The following GNAS variants were observed in gnomAD, a reference collection of about 807,000 sequenced individuals.
The protein encoded by GNAS is GNAS complex locus.
A neutral mutation model predicts 54.5 loss-of-function variants in GNAS; 8 were observed. That is an observed-to-expected ratio of 0.15 (90% CI 0.09 to 0.26). The LOEUF (loss-of-function observed/expected upper bound fraction) is 0.26. Among genes scored for constraint, GNAS ranks in the 10% least tolerant of loss-of-function variants. GNAS has a pLI of 1.00. For synonymous variants in GNAS, 204 were observed against 191.4 expected, an observed-to-expected ratio of 1.07 and a Z score of -0.54; for missense variants, 170 against 529.8, an observed-to-expected ratio of 0.32 and a Z score of 6.67.
intron 1 of GNAS, among the ~76,000 whole-genome samples, chr20:58,875,693 C>CA (rs1555879049): frequency 2.0e-5 from 3 of 152,214 alleles, no homozygotes; most frequent in Admixed American, 1.3e-4. Context: ...GTGCCCCCCC[C>CA]ACCCCATTCA....
chr20:58,910,530 G>A lies in GNAS; in HGVS notation c.1038+129G>A. The A allele has an allele frequency of 8.7e-7, 1 of 1,145,966 alleles. No homozygotes were observed. The highest frequency in any genetic ancestry group is 1.3e-6 in the Non-Finnish European group (1 of 764,782). The allele number at this position is 1,145,966 out of a possible 1,614,324, so 71.0% of individuals were successfully genotyped here. ...TGGTTTTAGTTCACGCACATCCAGT[G>A]TGGATTTGAGCTCTTTGCGCCCCTC... On this transcript the variant is annotated intron_variant, in intron 12 of 12. Coordinates refer to ENST00000371085, the MANE Select transcript of GNAS (RefSeq NM_000516.7). This position sits in a 1 kb window ranked among gnomAD's most constrained non-coding sequence, Gnocchi z 5.8.
At chr20:58,904,483 T>C (rs1225875464) in intron 5 of GNAS, among the ~76,000 whole-genome samples, 1 of 152,206 alleles carries the variant, frequency 6.6e-6, no homozygotes, top group African/African-American at 2.4e-5. Context: ...AACAAAAAAC[T>C]GTTCAAGCCC....
rs965640652 is a variant in GNAS at position 58,857,192 on chromosome 20, A to G, written c.43+16306A>G. The stretch of plus-strand genomic sequence containing the variant: ...GTGATGGTTTTTTATTAATGGCATT[A>G]TTGGCATATAACTGTGCTATTGTGA... On this transcript the variant is annotated intron_variant, in intron 1 of 12. Transcript: ENST00000306090. The surrounding 1 kb of genome is among the most constrained non-coding windows in gnomAD (Gnocchi z 4.1). The G allele has an allele frequency of 2.6e-5, 4 of 152,204 alleles. No homozygotes were observed. 9.4% of individuals were successfully genotyped at this position (152,204 alleles called of 1,614,324 possible).
chr20:58,907,595 T>G (rs2146243848), intron 6 of GNAS, among the ~76,000 whole-genome samples: 1 of 152,356 alleles, frequency 6.6e-6, no homozygotes, highest in Middle Eastern at 3.4e-3. Context: ...TTGAATTTTG[T>G]CGGGTTTCGT....
chr20:58,842,298 G>A (rs1333649895), intron 1 of GNAS: 4 of 397,672 alleles, frequency 1.0e-5, no homozygotes, highest in African/African-American at 4.1e-5. Flanking sequence ...CCTGGTGTGC[G>A]TGTCTCATTT....
chr20:58,868,075 A>T (rs11697466), intron 1 of GNAS, among the ~76,000 whole-genome samples: 19,923 of 147,022 alleles, frequency 0.14, 1,411 homozygotes, highest in African/African-American at 0.18. Flanking sequence ...GGCTGGAGTG[A>T]AGTGGCATGA....
Position 58,841,252 on chromosome 20 carries a change from C to A in GNAS, c.43+366C>A. 1 of 970,292 alleles carries A rather than the reference C, an allele frequency of 1.0e-6. No individual in the cohort carries two copies. The highest frequency in any genetic ancestry group is 1.3e-6 in the Non-Finnish European group (1 of 777,598). The allele number at this position is 970,292 out of a possible 1,614,324, so 60.1% of individuals were successfully genotyped here. A position where few individuals can be genotyped will look rare whatever the true frequency, so the allele number is the denominator to read the frequency against. ...TCACTTGTTTTGCGCGCTTTTCTTCCTCCTAGAAAGACTAGTCTCAAATAA... is the reference window on the plus strand; with the variant it reads ...TCACTTGTTTTGCGCGCTTTTCTTCATCCTAGAAAGACTAGTCTCAAATAA... On this transcript the variant is annotated intron_variant, in intron 1 of 12. Coordinates refer to the GNAS transcript ENST00000306090. The surrounding 1 kb of genome is among the most constrained non-coding windows in gnomAD (Gnocchi z 5.0).
rs539861616 is a variant in GNAS at position 58,865,410 on chromosome 20, C to T, written c.43+24524C>T. Among the ~76,000 whole-genome samples the T allele has an allele frequency of 1.4e-3, 213 of 148,468 alleles. 2 individuals carry two copies. Among genetic ancestry groups the T allele is most frequent in the African/African-American group, 5.1e-3 (206 of 40,434 alleles). On this transcript the variant is annotated intron_variant, in intron 1 of 12. Transcript: ENST00000306090. Reference sequence around the variant, plus strand: ...TCCAGCCTGGGCAACAAGAGCAAAACTCCATCTCAAAAAATATATATATAC... The same window carrying T: ...TCCAGCCTGGGCAACAAGAGCAAAATTCCATCTCAAAAAATATATATATAC...
chr20:58,893,375 T>C (rs2089713573), intron 1 of GNAS, among the ~76,000 whole-genome samples: 1 of 152,206 alleles, frequency 6.6e-6, no homozygotes, highest in African/African-American at 2.4e-5. Context: ...ACAGCATTAA[T>C]TAAAAATGGA....
In GNAS at chr20:58,853,120, C is replaced by T. The variant is rs2086249799; in HGVS notation, c.43+12234C>T. ...CCTTCCAGGCCTTGAACCCCCCAAC[C>T]TCACAAGGGTTGGAAAGTGAGGCCG... On this transcript the variant is annotated intron_variant, in intron 1 of 12. Transcript: ENST00000306090. This position sits in a 1 kb window ranked among gnomAD's most constrained non-coding sequence, Gnocchi z 4.4. 6 of 1,428,308 alleles carry T rather than the reference C, an allele frequency of 4.2e-6. No homozygotes were observed. The highest frequency in any genetic ancestry group is 4.6e-6 in the Non-Finnish European group (5 of 1,097,012). The allele number at this position is 1,428,308 out of a possible 1,614,324, so 88.5% of individuals were successfully genotyped here.
rs2146179255 is a variant in GNAS at position 58,903,593 on chromosome 20, C to T, written c.312+8C>T. ...CTGAAAGAGGCGATTGAAGTACGTG[C>T]TGGCTCCTTGTGCTGTCTGTCTTGT... On this transcript the variant is annotated splice_region_variant and intron_variant, in intron 4 of 12. Transcript: ENST00000371085. The T allele has an allele frequency of 6.2e-7, 1 of 1,614,036 alleles. No individual in the cohort carries two copies. The highest frequency in any genetic ancestry group is 8.5e-7 in the Non-Finnish European group (1 of 1,179,884).
intron 1 of GNAS, among the ~76,000 whole-genome samples, chr20:58,847,740 T>C (rs1041562633): frequency 6.6e-6 from 1 of 152,188 alleles, no homozygotes; most frequent in Admixed American, 6.5e-5. Flanking sequence ...TCTGTTCCCT[T>C]CCCTTTCACC....
chr20:58,865,573 A>C (rs955311593), intron 1 of GNAS, among the ~76,000 whole-genome samples: 1 of 148,884 alleles, frequency 6.7e-6, no homozygotes, highest in African/African-American at 2.5e-5. Flanking sequence ...AAGTTTGTCC[A>C]CTGCAGTTAC....
At chr20:58,867,998 G>A (rs1388544697) in intron 1 of GNAS, among the ~76,000 whole-genome samples, 1 of 151,448 alleles carries the variant, frequency 6.6e-6, no homozygotes, top group Non-Finnish European at 1.5e-5. Flanking sequence ...GCAGATAGTG[G>A]ACACCTCTCC....
At chr20:58,888,979 C>G (rs967078634), upstream of GNAS, 1 of 773,924 alleles carries the variant, frequency 1.3e-6, no homozygotes, top group African/African-American at 1.9e-5. Context: ...GGCCCCCGCG[C>G]CCCCGGCCCA....
At position 58,853,613 on chromosome 20, in the gene GNAS, T is replaced by A. The variant is rs2086276015; in HGVS notation, c.43+12727T>A. ...AGCCCAGCTTGGGAGGCTTCTGGCC[T>A]ACACTGGAGCAGCCTGGATTCCCCA... On this transcript the variant is annotated intron_variant, in intron 1 of 12. Transcript: ENST00000306090. This position sits in a 1 kb window ranked among gnomAD's most constrained non-coding sequence, Gnocchi z 4.4. 5 of 1,613,308 alleles carry A rather than the reference T, an allele frequency of 3.1e-6. No individual in the cohort carries two copies. The highest frequency in any genetic ancestry group is 4.2e-6 in the Non-Finnish European group (5 of 1,179,860).
At chr20:58,891,916 G>T in intron 1 of GNAS, 51 bp downstream of exon 1, 1 of 955,926 alleles carries the variant, frequency 1.0e-6, no homozygotes, top group Non-Finnish European at 1.2e-6. Flanking sequence ...CTCGAAGGGC[G>T]CCCCGCAGGC....
At chr20:58,895,394 T>C in intron 1 of GNAS, 4 of 555,940 alleles carry the variant, frequency 7.2e-6, no homozygotes, top group Non-Finnish European at 1.3e-5. Context: ...AATTCTTGTT[T>C]GTTATTTGGA....
rs774719489 is a variant in GNAS at position 58,898,944 on chromosome 20, C to T, written c.216C>T (p.Gly72=). 3 of 1,613,190 alleles carry T rather than the reference C, an allele frequency of 1.9e-6. No homozygotes were observed. Among genetic ancestry groups the T allele is most frequent in the East Asian group, 2.2e-5 (1 of 44,884 alleles). The change falls in exon 3 of 13, where the codon GGC becomes GGT. Residue 72 remains glycine (G), a synonymous_variant. Transcript: ENST00000371085. ...GCTTTCAATCTCTCTTTAAAAGGGG[C>T]GGCGAAGAGGACCCGCAGGCTGCAA... ...ILHVNGFNGE[G]GEEDPQAARS...
Sources: allele counts gnomAD v4.1 joint callset (sites outside exome capture counted in the v4.1 genomes callset), GRCh38; gene constraint gnomAD v4.1.1; non-coding constraint Gnocchi (gnomAD v3.1); transcripts MANE v1.5; gene names NCBI Gene and HGNC (gene_info 2026-07-23, HGNC 2026-07-21).